RHOJ: variants seen among roughly 807,000 people sequenced by gnomAD.
The protein encoded by RHOJ is ras homolog family member J.
In RHOJ, 11 loss-of-function variants were observed where a neutral mutation model predicts 23.4. The observed-to-expected ratio is 0.47, with a 90% CI of 0.30 to 0.78. The LOEUF (loss-of-function observed/expected upper bound fraction) is 0.78. RHOJ is among the 30% of genes least tolerant of loss of function. The probability of loss-of-function intolerance (pLI) is 0.08; values close to 1 mark genes in which losing one functional copy is unlikely to be tolerated. For synonymous variants in RHOJ, 102 were observed against 102.7 expected (o/e 0.99, Z 0.04); for missense variants, 254 against 273.4 (o/e 0.93, Z 0.50).
intron 1 of RHOJ, among the ~76,000 whole-genome samples, chr14:63,218,276 C>T (rs889246533): frequency 5.9e-5 from 9 of 152,168 alleles, no homozygotes; most frequent in Admixed American, 5.9e-4. Context: ...ACAGCTCTGT[C>T]TCTAAATGGG....
chr14:63,271,109 CCT>C (rs1376911118), intron 2 of RHOJ, among the ~76,000 whole-genome samples: 7 of 152,154 alleles, frequency 4.6e-5, no homozygotes, highest in Non-Finnish European at 8.8e-5. Context: ...ATGGCCCAAA[CCT>C]CTGACACAAA....
chr14:63,272,728 A>C (rs940054076), intron 2 of RHOJ, among the ~76,000 whole-genome samples: 16 of 152,200 alleles, frequency 1.1e-4, no homozygotes, highest in African/African-American at 3.6e-4. Context: ...GCATGTGCTA[A>C]AGATAGTTTA....
At chr14:63,213,897 C>T (rs1894294779) in intron 1 of RHOJ, among the ~76,000 whole-genome samples, 1 of 152,142 alleles carries the variant, frequency 6.6e-6, no homozygotes, top group Admixed American at 6.5e-5. Context: ...GCATGCATCA[C>T]TTCTGTTCAC....
chr14:63,208,975 T>G (rs1442302852), intron 1 of RHOJ, among the ~76,000 whole-genome samples: 1 of 152,154 alleles, frequency 6.6e-6, no homozygotes, highest in African/African-American at 2.4e-5. Context: ...TCCACCCGGT[T>G]TCTGAAAACA....
Position 63,292,327 on chromosome 14 carries a change from T to C in RHOJ, c.*1303T>C, listed in dbSNP as rs1566634374. On this transcript the variant is annotated 3_prime_UTR_variant, in exon 5 of 5. Transcript: ENST00000316754. ...CAATGTGTGACATAGAACAGGGACTTTGGCCCTGGGAAAGCAAAAGCTCCC... is the reference window on the plus strand; with the variant it reads ...CAATGTGTGACATAGAACAGGGACTCTGGCCCTGGGAAAGCAAAAGCTCCC... 6.6e-6 allele frequency: 1 copy of C among 152,202 alleles called. No individual in the cohort carries two copies. The highest frequency in any genetic ancestry group is 1.5e-5 in the Non-Finnish European group (1 of 68,030). The allele number at this position is 152,202 out of a possible 1,614,324, so 9.4% of individuals were successfully genotyped here.
At chr14:63,228,934 C>T (rs1476350581) in intron 1 of RHOJ, among the ~76,000 whole-genome samples, 1 of 152,162 alleles carries the variant, frequency 6.6e-6, no homozygotes, top group Non-Finnish European at 1.5e-5. Context: ...CCTGCTTTTC[C>T]TACATGCTCT....
chr14:63,222,306 G>C (rs1894512495), intron 1 of RHOJ, among the ~76,000 whole-genome samples: 1 of 152,198 alleles, frequency 6.6e-6, no homozygotes, highest in African/African-American at 2.4e-5. Flanking sequence ...TGTCTTTATA[G>C]CAGCATGATT....
intron 1 of RHOJ, among the ~76,000 whole-genome samples, chr14:63,264,220 T>G (rs1895326043): frequency 6.6e-6 from 1 of 152,172 alleles, no homozygotes; most frequent in Admixed American, 6.5e-5. Context: ...TCGCCATCTT[T>G]GTGTCCATGA....
intron 1 of RHOJ, among the ~76,000 whole-genome samples, chr14:63,245,426 T>C (rs939331169): frequency 2.0e-5 from 3 of 152,068 alleles, no homozygotes; most frequent in Non-Finnish European, 4.4e-5. Context: ...GGCAGGAGAA[T>C]GACTTGAGGC....
At chr14:63,213,292 T>C (rs1235894498) in intron 1 of RHOJ, among the ~76,000 whole-genome samples, 2 of 152,156 alleles carry the variant, frequency 1.3e-5, no homozygotes, top group Non-Finnish European at 2.9e-5. Flanking sequence ...TTCCTTCCCT[T>C]CCCAACTAGT....
chr14:63,247,506 G>A (rs764276654), intron 1 of RHOJ, among the ~76,000 whole-genome samples: 6 of 152,032 alleles, frequency 3.9e-5, no homozygotes, highest in African/African-American at 1.4e-4. Context: ...AATCTTAGAA[G>A]AAATGATGGA....
chr14:63,283,138 C>T lies in RHOJ; in HGVS notation c.420C>T (p.Asp140=). The T allele has an allele frequency of 6.2e-7, 1 of 1,613,924 alleles. No individual in the cohort carries two copies. The highest frequency in any genetic ancestry group is 8.5e-7 in the Non-Finnish European group (1 of 1,179,830). The stretch of plus-strand genomic sequence containing the variant: ...CTTGCCAGATTGATCTCCGTGATGA[C>T]CCAAAAACCTTGGCCCGTTTGCTGT... ...LIGTQIDLRD[D]PKTLARLLYM... The change falls in exon 4 of 5, where the codon GAC becomes GAT. Residue 140 remains aspartate, a synonymous_variant. Transcript: ENST00000316754.
chr14:63,290,405 C>G (rs17100988), intron 4 of RHOJ, among the ~76,000 whole-genome samples: 5,578 of 152,156 alleles, frequency 0.037, 348 homozygotes, highest in African/African-American at 0.13. Flanking sequence ...GACACTTTGC[C>G]TTTTATCATA....
At chr14:63,284,037 C>T (rs1187149649) in intron 4 of RHOJ, among the ~76,000 whole-genome samples, 1 of 152,106 alleles carries the variant, frequency 6.6e-6, no homozygotes, top group Non-Finnish European at 1.5e-5. Flanking sequence ...TCTATTGACC[C>T]AGGTCAGAGG....
intron 1 of RHOJ, among the ~76,000 whole-genome samples, chr14:63,231,601 C>A (rs547230748): frequency 1.3e-5 from 2 of 152,138 alleles, no homozygotes; most frequent in African/African-American, 4.8e-5. Flanking sequence ...ACACTCAGCT[C>A]GGTATTGCAG....
chr14:63,220,440 A>G (rs1281439677), intron 1 of RHOJ, among the ~76,000 whole-genome samples: 1 of 149,068 alleles, frequency 6.7e-6, no homozygotes, highest in Non-Finnish European at 1.5e-5. Context: ...GTATCCCTGA[A>G]CTTAAAAGTT....
intron 1 of RHOJ, among the ~76,000 whole-genome samples, chr14:63,264,944 C>T (rs946694428): frequency 6.6e-6 from 1 of 152,138 alleles, no homozygotes; most frequent in Admixed American, 6.5e-5. Context: ...TGAATATTTG[C>T]TCCCATTCTA....
intron 1 of RHOJ, among the ~76,000 whole-genome samples, chr14:63,249,087 C>T (rs545869546): frequency 6.6e-6 from 1 of 152,120 alleles, no homozygotes; most frequent in Non-Finnish European, 1.5e-5. Context: ...TTCTTGCAAA[C>T]AGTCAGAGCC....
At chr14:63,255,162 C>G (rs1895140927) in intron 1 of RHOJ, among the ~76,000 whole-genome samples, 2 of 152,174 alleles carry the variant, frequency 1.3e-5, no homozygotes, top group African/African-American at 4.8e-5. Context: ...TCAAATCCCC[C>G]CCTGAGGTAA....
Sources: allele counts gnomAD v4.1 joint callset (sites outside exome capture counted in the v4.1 genomes callset), GRCh38; gene constraint gnomAD v4.1.1; transcripts MANE v1.5; gene names NCBI Gene and HGNC (gene_info 2026-07-23, HGNC 2026-07-21).